SLC9A9: variants seen among roughly 807,000 people sequenced by gnomAD.
The protein encoded by SLC9A9 is sodium/hydrogen exchanger 9.
A neutral mutation model predicts 77.8 loss-of-function variants in SLC9A9; 62 were observed. The observed-to-expected ratio is 0.80, with a 90% CI of 0.65 to 0.98. SLC9A9 has a LOEUF of 0.98. SLC9A9 is among the 50% of genes least tolerant of loss of function. SLC9A9 has a pLI of 0.00. For missense variants in SLC9A9, 775 were observed against 774.9 expected, an observed-to-expected ratio of 1.00 and a Z score of 0.00; for synonymous variants, 320 against 283.5, an observed-to-expected ratio of 1.13 and a Z score of -1.29.
intron 4 of SLC9A9, among the ~76,000 whole-genome samples, chr3:143,753,091 A>G (rs1162606033): frequency 6.6e-6 from 1 of 152,194 alleles, no homozygotes; most frequent in African/African-American, 2.4e-5. Context: ...CACTTATTTG[A>G]AGTTCAGACC....
chr3:143,757,829 AG>A (rs2006975029), intron 4 of SLC9A9, among the ~76,000 whole-genome samples: 1 of 152,122 alleles, frequency 6.6e-6, no homozygotes. Context: ...TGGATTAGAA[AG>A]GGGGGTAGTA....
intron 14 of SLC9A9, among the ~76,000 whole-genome samples, chr3:143,271,875 C>A (rs73867302): frequency 0.027 from 4,041 of 152,228 alleles, 71 homozygotes; most frequent in Middle Eastern, 0.065. Flanking sequence ...AAATGTGGAG[C>A]TGAGTCTGTT....
intron 4 of SLC9A9, among the ~76,000 whole-genome samples, chr3:143,722,213 C>A (rs1396482805): frequency 2.0e-5 from 3 of 152,130 alleles, no homozygotes. Context: ...GTGGCTCACG[C>A]CTGTAATCCC....
chr3:143,598,061 C>G (rs1419557431), intron 6 of SLC9A9, among the ~76,000 whole-genome samples: 1 of 152,092 alleles, frequency 6.6e-6, no homozygotes, highest in African/African-American at 2.4e-5. Context: ...TCCCTGAGCT[C>G]TCCAGTCCCT....
chr3:143,500,042 A>G lies in SLC9A9; in HGVS notation c.1090-4594T>C, dbSNP rs561311430. 1.8e-4 allele frequency among the ~76,000 whole-genome samples: 28 copies of G among 152,248 alleles called. 1 individual carries two copies. Among genetic ancestry groups the G allele is most frequent in the South Asian group, 8.3e-4 (4 of 4,830 alleles). On this transcript the variant is annotated intron_variant, in intron 9 of 15. Transcript: ENST00000316549. ...ACAGTTTTACCAGGTTGTATTGTTAAAGTTACTCAGGTATCACAAAACAGA... is the reference window on the plus strand; with the variant it reads ...ACAGTTTTACCAGGTTGTATTGTTAGAGTTACTCAGGTATCACAAAACAGA...
intron 14 of SLC9A9, among the ~76,000 whole-genome samples, chr3:143,318,372 T>C (rs58042441): frequency 0.033 from 4,953 of 152,322 alleles, 117 homozygotes; most frequent in African/African-American, 0.072. Context: ...GTTATTTCTT[T>C]GAAGAACTCA....
chr3:143,496,620 A>G (rs2035838534), intron 9 of SLC9A9, among the ~76,000 whole-genome samples: 1 of 152,246 alleles, frequency 6.6e-6, no homozygotes, highest in Non-Finnish European at 1.5e-5. Context: ...GCCATCATCA[A>G]TTATCCTGAA....
chr3:143,404,780 A>G (rs1335471839), intron 12 of SLC9A9, among the ~76,000 whole-genome samples: 2 of 152,184 alleles, frequency 1.3e-5, no homozygotes, highest in Non-Finnish European at 2.9e-5. Context: ...AATTTATTTA[A>G]TGGCTTGCCT....
Position 143,556,006 on chromosome 3 carries a change from T to G in SLC9A9, c.1001-3556A>C, listed in dbSNP as rs948949859. 5.9e-5 allele frequency among the ~76,000 whole-genome samples: 9 copies of G among 152,362 alleles called. No homozygotes were observed. The South Asian group carries it at 1.4e-3, about 25-fold the overall frequency. ...AATTAAATCACACAAATTACTGTAATTAGTATGACTTTTACAAGCCAAACA... is the reference window on the plus strand; with the variant it reads ...AATTAAATCACACAAATTACTGTAAGTAGTATGACTTTTACAAGCCAAACA... On this transcript the variant is annotated intron_variant, in intron 8 of 15. Transcript: ENST00000316549.
At chr3:143,615,968 C>A (rs2038097146) in intron 6 of SLC9A9, among the ~76,000 whole-genome samples, 1 of 151,658 alleles carries the variant, frequency 6.6e-6, no homozygotes, top group South Asian at 2.1e-4. Context: ...GCAAGCTCTG[C>A]CTCCTGGGTT....
intron 6 of SLC9A9, among the ~76,000 whole-genome samples, chr3:143,593,785 G>T (rs556204997): frequency 4.0e-4 from 61 of 152,320 alleles, no homozygotes; most frequent in African/African-American, 1.5e-3. Context: ...GGATGTTGAT[G>T]CATAATTAGA....
intron 4 of SLC9A9, among the ~76,000 whole-genome samples, chr3:143,743,249 A>G (rs3951736): frequency 0.025 from 2,110 of 84,800 alleles, 51 homozygotes; most frequent in African/African-American, 0.08. Context: ...ATGGATAGAT[A>G]GATAGATAGA....
chr3:143,454,744 T>C (rs2035059557), intron 12 of SLC9A9, among the ~76,000 whole-genome samples: 1 of 152,188 alleles, frequency 6.6e-6, no homozygotes, highest in Non-Finnish European at 1.5e-5. Flanking sequence ...CTTTCTAATA[T>C]CATTCTTCTT....
chr3:143,354,066 G>T (rs934205200), intron 14 of SLC9A9, among the ~76,000 whole-genome samples: 1 of 152,154 alleles, frequency 6.6e-6, no homozygotes, highest in Non-Finnish European at 1.5e-5. Flanking sequence ...TGTCCCTCCA[G>T]ACCACCTGTT....
At chr3:143,784,472 G>T (rs2007981847) in intron 4 of SLC9A9, among the ~76,000 whole-genome samples, 1 of 151,496 alleles carries the variant, frequency 6.6e-6, no homozygotes, top group Non-Finnish European at 1.5e-5. Flanking sequence ...GTAGGCAGAG[G>T]TTTCACATCA....
In SLC9A9 at chr3:143,363,058, A is replaced by G. The variant is rs2032794947; in HGVS notation, c.1604+426T>C. Among the ~76,000 whole-genome samples the G allele has an allele frequency of 1.3e-5, 2 of 152,256 alleles. 1 individual carries two copies. Among genetic ancestry groups the G allele is most frequent in the Middle Eastern group, 6.8e-3 (2 of 294 alleles). On this transcript the variant is annotated intron_variant, in intron 14 of 15. Transcript: ENST00000316549. ...TTTACAGCATGAAACAAAAACACAC[A>G]AATGGGTTCCTGGGAGAAGGGTGCA...
At chr3:143,833,565 T>C (rs2009492829) in intron 1 of SLC9A9, among the ~76,000 whole-genome samples, 2 of 152,136 alleles carry the variant, frequency 1.3e-5, no homozygotes, top group African/African-American at 2.4e-5. Flanking sequence ...TTTGCACATA[T>C]GGGTAGCAGC....
chr3:143,578,809 T>G, intron 6 of SLC9A9, 86 bp from the exon 7 acceptor site: 1 of 1,493,250 alleles, frequency 6.7e-7, no homozygotes, highest in Admixed American at 1.7e-5. Flanking sequence ...GGGAGAGGTA[T>G]CTTTCCCTGT....
At chr3:143,447,318 A>G (rs915844361) in intron 12 of SLC9A9, among the ~76,000 whole-genome samples, 3 of 152,146 alleles carry the variant, frequency 2.0e-5, no homozygotes, top group Admixed American at 2.0e-4. Flanking sequence ...TGTGTTGAGA[A>G]CTGGAAGCAA....
Sources: allele counts gnomAD v4.1 joint callset (sites outside exome capture counted in the v4.1 genomes callset), GRCh38; gene constraint gnomAD v4.1.1; transcripts MANE v1.5; gene names NCBI Gene and HGNC (gene_info 2026-07-23, HGNC 2026-07-21).